PPFIA2: variants seen among roughly 807,000 people sequenced by gnomAD.
PPFIA2 encodes the protein liprin-alpha-2.
PPFIA2 carries 46 observed loss-of-function variants against 175.5 expected under a neutral mutation model. The observed-to-expected ratio is 0.26, with a 90% confidence interval of 0.21 to 0.34. The LOEUF is 0.34. PPFIA2 is among the 10% of genes least tolerant of loss of function. The pLI, the probability that PPFIA2 is intolerant of heterozygous loss-of-function variation, is 1.00. For missense variants in PPFIA2, 1,179 were observed against 1,506.1 expected (o/e 0.78, Z 3.60); for synonymous variants, 568 against 511.4 (o/e 1.11, Z -1.49).
At chr12:81,485,367 A>G (rs974285388) in intron 4 of PPFIA2, among the ~76,000 whole-genome samples, 1 of 151,586 alleles carries the variant, frequency 6.6e-6, no homozygotes, top group African/African-American at 2.4e-5. Context: ...TTATTCTTAC[A>G]TATTACATAC....
At chr12:81,266,450 T>C (rs2136243262) in intron 30 of PPFIA2, among the ~76,000 whole-genome samples, 1 of 152,278 alleles carries the variant, frequency 6.6e-6, no homozygotes, top group Non-Finnish European at 1.5e-5. Flanking sequence ...TCAAATTCTA[T>C]GACTGTTAAA....
chr12:81,758,146 C>T (rs2084972442), intron 2 of PPFIA2, among the ~76,000 whole-genome samples: 1 of 152,142 alleles, frequency 6.6e-6, no homozygotes, highest in South Asian at 2.1e-4. Flanking sequence ...CAGCCACACC[C>T]CCCACCACCT....
intron 4 of PPFIA2, among the ~76,000 whole-genome samples, chr12:81,480,547 T>C (rs2058086275): frequency 6.6e-6 from 1 of 152,218 alleles, no homozygotes; most frequent in Non-Finnish European, 1.5e-5. Context: ...TTCGTGGATT[T>C]ATCTACCTTT....
chr12:81,746,826 A>G (rs2153660177), intron 3 of PPFIA2, among the ~76,000 whole-genome samples: 1 of 143,482 alleles, frequency 7.0e-6, no homozygotes, highest in Non-Finnish European at 1.6e-5. Context: ...GGGTATGGGT[A>G]AGTGTGTGGG....
At chr12:81,602,114 T>A (rs1248552712) in intron 4 of PPFIA2, among the ~76,000 whole-genome samples, 1 of 151,886 alleles carries the variant, frequency 6.6e-6, no homozygotes, top group African/African-American at 2.4e-5. Flanking sequence ...TAAAATATTT[T>A]TCTTTTTAAA....
chr12:81,420,853 C>T (rs967572870), intron 7 of PPFIA2, among the ~76,000 whole-genome samples: 15 of 152,026 alleles, frequency 9.9e-5, no homozygotes, highest in Middle Eastern at 6.8e-3. Flanking sequence ...CCCCAAAACA[C>T]TGCACCGAGA....
At chr12:81,683,389 AT>A (rs2073977639) in intron 3 of PPFIA2, among the ~76,000 whole-genome samples, 1 of 151,856 alleles carries the variant, frequency 6.6e-6, no homozygotes, top group African/African-American at 2.4e-5. Context: ...TTGTCCATGA[AT>A]TTGTTATCTC....
At chr12:81,487,279 T>A (rs902474446) in intron 4 of PPFIA2, among the ~76,000 whole-genome samples, 1 of 151,896 alleles carries the variant, frequency 6.6e-6, no homozygotes, top group African/African-American at 2.4e-5. Flanking sequence ...TGCTTGTTAT[T>A]TGAATTCCAG....
In PPFIA2 at chr12:81,399,966, C is replaced by T. The variant is rs544823215; in HGVS notation, c.762+5821G>A. Among the ~76,000 whole-genome samples, 29 of 151,828 alleles carry T rather than the reference C, an allele frequency of 1.9e-4. No homozygotes were observed. The South Asian group carries it at 4.8e-3, about 25-fold the overall frequency. ...AATCTTTGAAAGAATGGTTGTTGGC[C>T]GTAGTTAACATGTATTGATGAACAC... On this transcript the variant is annotated intron_variant, in intron 8 of 32. Transcript: ENST00000549396.
intron 3 of PPFIA2, among the ~76,000 whole-genome samples, chr12:81,703,369 A>T (rs904573307): frequency 6.6e-6 from 1 of 152,018 alleles, no homozygotes; most frequent in African/African-American, 2.4e-5. Flanking sequence ...ACAAAACCAG[A>T]AAAACTGCTA....
At chr12:81,381,307 T>C (rs1013918386) in intron 9 of PPFIA2, among the ~76,000 whole-genome samples, 2 of 152,152 alleles carry the variant, frequency 1.3e-5, no homozygotes, top group African/African-American at 4.8e-5. Flanking sequence ...GAATGGATTC[T>C]TAATAAAAGA....
intron 4 of PPFIA2, among the ~76,000 whole-genome samples, chr12:81,550,449 G>A (rs756707397): frequency 2.0e-5 from 3 of 151,954 alleles, no homozygotes; most frequent in Non-Finnish European, 2.9e-5. Context: ...GTATAGAAGC[G>A]ATGTGATCCA....
Position 81,267,980 on chromosome 12 carries a change from C to T in PPFIA2, c.3418G>A (p.Ala1140Thr). 1 of 1,599,616 alleles carries T rather than the reference C, an allele frequency of 6.3e-7. No homozygotes were observed. The highest frequency in any genetic ancestry group is 8.5e-7 in the Non-Finnish European group (1 of 1,172,198). The change falls in exon 29 of 33, where the codon GCC (alanine) becomes ACC (threonine). Residue 1140 changes from alanine (A) to threonine (T), a missense_variant. By Grantham distance (58) the Ala-to-Thr change is moderately conservative. Transcript: ENST00000549396. ...CTGTAGTCAAAGTTTTCATCCAGGG[C>T]TATAAGTGAGCCATGCACACCGCTC... ...LESGVHGSLI[A>T]LDENFDYSSL...
chr12:81,500,078 AC>A (rs1396380570), intron 4 of PPFIA2, among the ~76,000 whole-genome samples: 1 of 152,068 alleles, frequency 6.6e-6, no homozygotes, highest in African/African-American at 2.4e-5. Context: ...TGTTATTTTC[AC>A]CACTAACAAA....
chr12:81,454,103 C>A (rs2053158069), intron 5 of PPFIA2, among the ~76,000 whole-genome samples: 1 of 152,042 alleles, frequency 6.6e-6, no homozygotes, highest in South Asian at 2.1e-4. Flanking sequence ...GCTATAGTCC[C>A]AGCTACTTGG....
chr12:81,266,946 A>T lies in PPFIA2; in HGVS notation c.3555+6T>A. On this transcript the variant is annotated splice_donor_region_variant and intron_variant, in intron 30 of 32. Transcript: ENST00000549396. The stretch of plus-strand genomic sequence containing the variant: ...CAGATCTCTTTTGAATAACAGGTGG[A>T]CTTACTTCATCCAGTCGCCTTTCAG... 1 of 1,601,302 alleles carries T rather than the reference A, an allele frequency of 6.2e-7. No homozygotes were observed. The highest frequency in any genetic ancestry group is 1.1e-5 in the South Asian group (1 of 90,604).
chr12:81,583,290 T>C (rs2074689291), intron 4 of PPFIA2, among the ~76,000 whole-genome samples: 1 of 151,936 alleles, frequency 6.6e-6, no homozygotes, highest in South Asian at 2.1e-4. Context: ...AGCCATTTGA[T>C]GTAAATTGTT....
Position 81,709,006 on chromosome 12 carries a change from T to C in PPFIA2, c.250-32162A>G, listed in dbSNP as rs191939988. Among the ~76,000 whole-genome samples the C allele has an allele frequency of 3.9e-3, 601 of 152,288 alleles. 5 individuals carry two copies. The highest frequency in any genetic ancestry group is 0.013 in the African/African-American group (548 of 41,560). The stretch of plus-strand genomic sequence containing the variant: ...AGTGAAGCTCTGCTTCATTTATAAA[T>C]TGTACTCAGATTAAAAACCCCCTTT... On this transcript the variant is annotated intron_variant, in intron 3 of 32. Coordinates refer to ENST00000549396, the MANE Select transcript of PPFIA2 (RefSeq NM_003625.5).
At chr12:81,579,059 A>T (rs1922418) in intron 4 of PPFIA2, among the ~76,000 whole-genome samples, 40,959 of 151,714 alleles carry the variant, frequency 0.27, 5,696 homozygotes, top group Middle Eastern at 0.32. Context: ...GAAAAAAATC[A>T]TGAGACAAGT....
Sources: gnomAD v4.1 joint callset for allele counts (sites outside exome capture counted in the v4.1 genomes callset) on GRCh38, gnomAD v4.1.1 for gene constraint, MANE v1.5 for transcripts, NCBI Gene and HGNC (gene_info 2026-07-23, HGNC 2026-07-21) for gene names.